Variants in LRRC8D observed in about 807,000 individuals in gnomAD.
The protein encoded by LRRC8D is leucine rich repeat containing 8 VRAC subunit D, also known as volume-regulated anion channel subunit LRRC8D.
In LRRC8D, 20 loss-of-function variants were observed where a neutral mutation model predicts 55.8. That is an observed-to-expected ratio of 0.36 (90% CI 0.25 to 0.52). LRRC8D has a LOEUF of 0.52. Ranked by LOEUF, LRRC8D falls within the 20% of genes least tolerant of loss-of-function variation. The probability of loss-of-function intolerance (pLI) is 0.93; values close to 1 mark genes in which losing one functional copy is unlikely to be tolerated. For missense variants in LRRC8D, 651 were observed against 1,030.8 expected, an observed-to-expected ratio of 0.63 and a Z score of 5.05; for synonymous variants, 352 against 377.0, an observed-to-expected ratio of 0.93 and a Z score of 0.77.
At chr1:89,900,446 G>C (rs1451723580) in intron 2 of LRRC8D, among the ~76,000 whole-genome samples, 4 of 152,054 alleles carry the variant, frequency 2.6e-5, no homozygotes, top group African/African-American at 9.7e-5. Context: ...TTCTTAGTTT[G>C]CCTGATTTCT....
At chr1:89,908,105 T>C (rs1663041351) in intron 2 of LRRC8D, among the ~76,000 whole-genome samples, 1 of 152,098 alleles carries the variant, frequency 6.6e-6, no homozygotes, top group African/African-American at 2.4e-5. Flanking sequence ...ATAATAGTGA[T>C]GATGATGATG....
At chr1:89,834,109 A>G (rs1660949231) in intron 1 of LRRC8D, among the ~76,000 whole-genome samples, 1 of 152,236 alleles carries the variant, frequency 6.6e-6, no homozygotes, top group Admixed American at 6.5e-5. Flanking sequence ...TTTGAAGGAA[A>G]GAAAGGGGAG....
Position 89,884,103 on chromosome 1 carries a change from G to A in LRRC8D, c.-3+40321G>A, listed in dbSNP as rs183248186. 4.0e-3 allele frequency among the ~76,000 whole-genome samples: 604 copies of A among 152,312 alleles called. 3 individuals are homozygous for A. Among genetic ancestry groups the A allele is most frequent in the Middle Eastern group, 0.014 (4 of 294 alleles). On this transcript the variant is annotated intron_variant, in intron 2 of 2. Coordinates refer to ENST00000337338, the MANE Select transcript of LRRC8D (RefSeq NM_001134479.2). The stretch of plus-strand genomic sequence containing the variant: ...CTTTTTTTCCTTTCTCATTGCTGAA[G>A]AAAGTAGGGCACGTTGTTTGAACGG...
At chr1:89,862,498 A>C (rs1293756229) in intron 2 of LRRC8D, among the ~76,000 whole-genome samples, 1 of 152,216 alleles carries the variant, frequency 6.6e-6, no homozygotes, top group Non-Finnish European at 1.5e-5. Flanking sequence ...GGAATAATTG[A>C]AGTAGGCCAG....
chr1:89,833,320 C>T (rs559183472), intron 1 of LRRC8D, among the ~76,000 whole-genome samples: 6 of 152,272 alleles, frequency 3.9e-5, no homozygotes, highest in Non-Finnish European at 5.9e-5. Flanking sequence ...CCTGGAACAC[C>T]GTACTAAAAC....
intron 2 of LRRC8D, among the ~76,000 whole-genome samples, chr1:89,893,881 G>C (rs1662638357): frequency 6.6e-6 from 1 of 152,172 alleles, no homozygotes; most frequent in Non-Finnish European, 1.5e-5. Flanking sequence ...TTGGTGATGT[G>C]AGTTTTTGAC....
intron 1 of LRRC8D, among the ~76,000 whole-genome samples, chr1:89,840,530 GGA>G (rs886996187): frequency 1.8e-4 from 28 of 152,270 alleles, no homozygotes; most frequent in African/African-American, 6.5e-4. Flanking sequence ...GCTCTGGAGG[GGA>G]GAGTATTAGA....
intron 1 of LRRC8D, among the ~76,000 whole-genome samples, chr1:89,837,705 A>T (rs1181241795): frequency 6.6e-6 from 1 of 152,232 alleles, no homozygotes; most frequent in Non-Finnish European, 1.5e-5. Flanking sequence ...AGGGTTAGTT[A>T]AAAAATTGAT....
chr1:89,917,589 C>G (rs1179352927), intron 2 of LRRC8D, among the ~76,000 whole-genome samples: 1 of 152,102 alleles, frequency 6.6e-6, no homozygotes, highest in Non-Finnish European at 1.5e-5. Flanking sequence ...GGCCACCATA[C>G]TCCTATACTC....
intron 2 of LRRC8D, among the ~76,000 whole-genome samples, chr1:89,860,355 G>C (rs955105759): frequency 1.3e-5 from 2 of 152,016 alleles, no homozygotes; most frequent in African/African-American, 4.8e-5. Flanking sequence ...AACAGAAATG[G>C]TTTTACATCA....
At chr1:89,855,195 C>A (rs1381625847) in intron 2 of LRRC8D, among the ~76,000 whole-genome samples, 7 of 152,340 alleles carry the variant, frequency 4.6e-5, no homozygotes, top group Non-Finnish European at 1.0e-4. Flanking sequence ...AGAGTCCTTT[C>A]TCCTTTCCGT....
chr1:89,893,598 C>T (rs577290897), intron 2 of LRRC8D, among the ~76,000 whole-genome samples: 1 of 152,158 alleles, frequency 6.6e-6, no homozygotes, highest in South Asian at 2.1e-4. Context: ...TACATTTTTT[C>T]CCTGAAGTAG....
At chr1:89,900,824 C>T (rs1206929620) in intron 2 of LRRC8D, among the ~76,000 whole-genome samples, 1 of 152,166 alleles carries the variant, frequency 6.6e-6, no homozygotes, top group African/African-American at 2.4e-5. Context: ...GTTTATGTGT[C>T]TTATCCTTAC....
At chr1:89,908,785 G>C (rs981842202) in intron 2 of LRRC8D, among the ~76,000 whole-genome samples, 1 of 152,182 alleles carries the variant, frequency 6.6e-6, no homozygotes, top group African/African-American at 2.4e-5. Context: ...GGCAGGAGGG[G>C]CTAACCTCTC....
At chr1:89,923,580 C>T (rs1312331593) in intron 2 of LRRC8D, among the ~76,000 whole-genome samples, 2 of 151,276 alleles carry the variant, frequency 1.3e-5, no homozygotes, top group South Asian at 2.1e-4. Flanking sequence ...TAGAAAAAAA[C>T]GATTCTAAAA....
At chr1:89,859,250 AT>A (rs2100788814) in intron 2 of LRRC8D, among the ~76,000 whole-genome samples, 1 of 152,106 alleles carries the variant, frequency 6.6e-6, no homozygotes, top group South Asian at 2.1e-4. Flanking sequence ...AAGCTAGGTA[AT>A]TTGACTCTTT....
At chr1:89,925,360 T>C (rs879473163) in intron 2 of LRRC8D, among the ~76,000 whole-genome samples, 1 of 152,208 alleles carries the variant, frequency 6.6e-6, no homozygotes, top group African/African-American at 2.4e-5. Context: ...TATTTCATTA[T>C]ATATTACAGT....
intron 2 of LRRC8D, among the ~76,000 whole-genome samples, chr1:89,878,792 C>G (rs569898853): frequency 7.9e-5 from 12 of 152,092 alleles, no homozygotes; most frequent in African/African-American, 2.9e-4. Context: ...ATGGTGAAAC[C>G]CTGTCTCTAC....
intron 2 of LRRC8D, among the ~76,000 whole-genome samples, chr1:89,874,439 CTATTTGTG>C (rs2100831435): frequency 8.7e-6 from 1 of 115,564 alleles, no homozygotes; most frequent in African/African-American, 3.5e-5. Flanking sequence ...AAGTAAGAAA[CTATTTGTG>C]TGTGTGTGTG....
Sources: allele counts gnomAD v4.1 joint callset (sites outside exome capture counted in the v4.1 genomes callset), GRCh38; gene constraint gnomAD v4.1.1; transcripts MANE v1.5; gene names NCBI Gene and HGNC (gene_info 2026-07-23, HGNC 2026-07-21).